Variants in CNGB3 observed in about 807,000 individuals in gnomAD.
CNGB3 encodes cyclic nucleotide-gated channel beta-3.
Under a neutral mutation model 92.8 loss-of-function variants are expected in CNGB3, and 86 were observed. The ratio of observed to expected loss-of-function variants is 0.93; its 90% confidence interval spans 0.78 to 1.11. The LOEUF is 1.11. CNGB3 is among the 50% of genes least tolerant of loss of function. The pLI, the probability that CNGB3 is intolerant of heterozygous loss-of-function variation, is 0.00. For synonymous variants in CNGB3, 333 were observed against 332.7 expected (o/e 1.00, Z -0.01); for missense variants, 1,026 against 956.8 (o/e 1.07, Z -0.95).
At chr8:86,699,712 C>T (rs1250156362) in intron 3 of CNGB3, among the ~76,000 whole-genome samples, 1 of 152,004 alleles carries the variant, frequency 6.6e-6, no homozygotes, top group African/African-American at 2.4e-5. Context: ...ATTTAATTGC[C>T]CAGAATTTCA....
chr8:86,623,957 C>G (rs886312195), intron 13 of CNGB3, among the ~76,000 whole-genome samples: 1 of 152,218 alleles, frequency 6.6e-6, no homozygotes, highest in Non-Finnish European at 1.5e-5. Context: ...TCACCATCAT[C>G]TCTTCCACAG....
At position 86,668,144 on chromosome 8, in the gene CNGB3, A is replaced by C. The variant is rs1823781049; in HGVS notation, c.518T>G (p.Val173Gly). The part of the protein sequence containing the change: ...QTAKPTAVPP[V>G]KESDDKPTEH... ...TGTTGGCTTATCATCGCTTTCTTTTACTGGTGGTACAGCCGTGGGCTTTGC... is the reference window on the plus strand; with the variant it reads ...TGTTGGCTTATCATCGCTTTCTTTTCCTGGTGGTACAGCCGTGGGCTTTGC... The change falls in exon 5 of 18, where the codon GTA (valine) becomes GGA (glycine). Residue 173 changes from valine (V) to glycine (G), a missense_variant. By Grantham distance (109) the Val-to-Gly change is moderately radical. Transcript: ENST00000320005. 1 of 1,613,544 alleles carries C rather than the reference A, an allele frequency of 6.2e-7. No homozygotes were observed. The highest frequency in any genetic ancestry group is 2.2e-5 in the East Asian group (1 of 44,844).
chr8:86,684,512 A>G (rs910467572), intron 3 of CNGB3, among the ~76,000 whole-genome samples: 12 of 152,166 alleles, frequency 7.9e-5, no homozygotes, highest in Admixed American at 6.6e-4. Flanking sequence ...TCCTGGAGAA[A>G]TAAAAACTTT....
intron 3 of CNGB3, among the ~76,000 whole-genome samples, chr8:86,697,479 T>G (rs1172899591): frequency 6.6e-6 from 1 of 152,188 alleles, no homozygotes; most frequent in Admixed American, 6.5e-5. Flanking sequence ...TAAAATTCAG[T>G]GGGCACAATT....
chr8:86,604,294 A>G, intron 14 of CNGB3, 83 bp from the exon 15 acceptor site: 1 of 886,106 alleles, frequency 1.1e-6, no homozygotes, highest in Admixed American at 2.0e-5. Context: ...AAATTCTTTT[A>G]GAGGAGTAAA....
At chr8:86,705,232 T>G (rs1185249998) in intron 3 of CNGB3, among the ~76,000 whole-genome samples, 2 of 152,178 alleles carry the variant, frequency 1.3e-5, no homozygotes, top group East Asian at 3.9e-4. Context: ...CTTTCACCAA[T>G]TAAACCTAAG....
At chr8:86,733,866 T>A (rs886514104) in intron 2 of CNGB3, among the ~76,000 whole-genome samples, 1 of 152,192 alleles carries the variant, frequency 6.6e-6, no homozygotes, top group African/African-American at 2.4e-5. Flanking sequence ...ATTTTATATT[T>A]TAATTTATTT....
At chr8:86,683,454 C>G (rs1824121591) in intron 3 of CNGB3, among the ~76,000 whole-genome samples, 1 of 152,198 alleles carries the variant, frequency 6.6e-6, no homozygotes, top group South Asian at 2.1e-4. Context: ...ACAAAAAAGA[C>G]TAAGGTGAAA....
chr8:86,702,120 T>C (rs1440988220), intron 3 of CNGB3, among the ~76,000 whole-genome samples: 1 of 152,258 alleles, frequency 6.6e-6, no homozygotes, highest in African/African-American at 2.4e-5. Flanking sequence ...CCTCACATTA[T>C]AGCACATTGG....
At chr8:86,736,165 A>G (rs1563770707) in intron 2 of CNGB3, among the ~76,000 whole-genome samples, 2 of 152,238 alleles carry the variant, frequency 1.3e-5, no homozygotes, top group Non-Finnish European at 2.9e-5. Flanking sequence ...AGAAATCAAC[A>G]TCTGCAGATT....
intron 6 of CNGB3, 150 bp downstream of exon 6, chr8:86,666,775 A>G (rs1340991793): frequency 1.4e-6 from 1 of 725,284 alleles, no homozygotes; most frequent in African/African-American, 1.7e-5. Flanking sequence ...CTGTTTTATA[A>G]TTGTTTTCTT....
chr8:86,660,537 T>A, intron 6 of CNGB3: 1 of 533,940 alleles, frequency 1.9e-6, no homozygotes, highest in South Asian at 1.4e-5. Flanking sequence ...TTCTCATGCA[T>A]CTGTACAATG....
intron 1 of CNGB3, among the ~76,000 whole-genome samples, chr8:86,740,149 T>G (rs1825316501): frequency 6.6e-6 from 1 of 152,224 alleles, no homozygotes; most frequent in Admixed American, 6.5e-5. Context: ...TCTGATCATC[T>G]AAGCTTTCCT....
chr8:86,670,228 A>G (rs1477222326), intron 4 of CNGB3, among the ~76,000 whole-genome samples: 1 of 152,106 alleles, frequency 6.6e-6, no homozygotes, highest in Non-Finnish European at 1.5e-5. Flanking sequence ...TGGTTTGTTG[A>G]TGTCCTTTGC....
intron 3 of CNGB3, among the ~76,000 whole-genome samples, chr8:86,701,659 G>C (rs1247508421): frequency 6.6e-6 from 1 of 152,148 alleles, no homozygotes; most frequent in East Asian, 1.9e-4. Context: ...AGCCCGAACA[G>C]TGCAATAATA....
intron 17 of CNGB3, among the ~76,000 whole-genome samples, chr8:86,578,071 G>A (rs1016554219): frequency 1.3e-5 from 2 of 151,930 alleles, no homozygotes; most frequent in Non-Finnish European, 2.9e-5. Flanking sequence ...CACCATGCCC[G>A]GCTAATTTTT....
chr8:86,736,923 G>A (rs77982122), intron 2 of CNGB3, among the ~76,000 whole-genome samples: 1,566 of 152,194 alleles, frequency 0.01, 26 homozygotes, highest in African/African-American at 0.034. Flanking sequence ...ATAATCTAGC[G>A]GTTGAACAGT....
intron 13 of CNGB3, among the ~76,000 whole-genome samples, chr8:86,624,385 C>T (rs1269343229): frequency 6.6e-6 from 1 of 152,160 alleles, no homozygotes; most frequent in Non-Finnish European, 1.5e-5. Context: ...TGTCACTGTA[C>T]TCCAGCCTGG....
At chr8:86,649,901 C>G (rs2131599441) in intron 7 of CNGB3, among the ~76,000 whole-genome samples, 2 of 151,728 alleles carry the variant, frequency 1.3e-5, no homozygotes, top group South Asian at 2.1e-4. Context: ...GTGCATCTGA[C>G]AAAGGACTAG....
Sources: gnomAD v4.1 joint callset for allele counts (sites outside exome capture counted in the v4.1 genomes callset) on GRCh38, gnomAD v4.1.1 for gene constraint, MANE v1.5 for transcripts, NCBI Gene and HGNC (gene_info 2026-07-23, HGNC 2026-07-21) for gene names.